Variants in MYLIP observed in about 807,000 individuals in gnomAD.
MYLIP encodes myosin regulatory light chain interacting protein.
MYLIP carries 26 observed loss-of-function variants against 45.8 expected under a neutral mutation model. That is an observed-to-expected ratio of 0.57 (90% CI 0.42 to 0.79). The LOEUF (loss-of-function observed/expected upper bound fraction) is 0.79, where lower values mean the gene tolerates loss of function less well. Among genes scored for constraint, MYLIP ranks in the 30% least tolerant of loss-of-function variants. MYLIP has a pLI of 0.00. For missense variants in MYLIP, 494 were observed against 555.6 expected (o/e 0.89, Z 1.11); for synonymous variants, 213 against 218.1 (o/e 0.98, Z 0.21).
chr6:16,143,696 T>C lies in MYLIP; in HGVS notation c.663-3T>C, dbSNP rs774588479. 1 of 1,613,908 alleles carries C rather than the reference T, an allele frequency of 6.2e-7. No homozygotes were observed. Among genetic ancestry groups the C allele is most frequent in the Admixed American group, 1.7e-5 (1 of 60,006 alleles). On this transcript the variant is annotated splice_region_variant and splice_polypyrimidine_tract_variant and intron_variant, in intron 4 of 6. Transcript: ENST00000356840. ...TGCTTTCTTTTCTCTTCCTGTCTCT[T>C]AGGATAGCTTATCCTGTGGTGCAGA... is the stretch of plus-strand genomic sequence containing the variant.
intron 6 of MYLIP, among the ~76,000 whole-genome samples, chr6:16,146,372 C>T (rs1171083122): frequency 2.0e-5 from 3 of 152,202 alleles, no homozygotes; most frequent in Non-Finnish European, 2.9e-5. Flanking sequence ...CACAGAAAGA[C>T]GTCTTCAGTA....
chr6:16,129,499 C>T lies in MYLIP; in HGVS notation c.87+90C>T. ...GCCTGGCACTCTGGCGCGCCCCCTA[C>T]TAGGGGCCGGGAGGCACTGCGGCGG... is the stretch of plus-strand genomic sequence containing the variant. On this transcript the variant is annotated intron_variant, in intron 1 of 6. Transcript: ENST00000356840. The surrounding 1 kb of genome is among the most constrained non-coding windows in gnomAD (Gnocchi z 5.1). The T allele has an allele frequency of 1.5e-6, 2 of 1,328,424 alleles. No individual in the cohort carries two copies. The highest frequency in any genetic ancestry group is 2.1e-6 in the Non-Finnish European group (2 of 963,798). The allele number at this position is 1,328,424 out of a possible 1,614,324, so 82.3% of individuals were successfully genotyped here. A position where few individuals can be genotyped will look rare whatever the true frequency, so the allele number is the denominator to read the frequency against.
chr6:16,142,961 G>A, intron 3 of MYLIP, 59 bp from the exon 4 acceptor site: 1 of 1,520,348 alleles, frequency 6.6e-7, no homozygotes, highest in Non-Finnish European at 9.0e-7. Flanking sequence ...GACTACATAG[G>A]TTTATCTCTA....
intron 2 of MYLIP, among the ~76,000 whole-genome samples, chr6:16,131,230 G>C (rs565444720): frequency 1.3e-5 from 2 of 152,266 alleles, no homozygotes; most frequent in East Asian, 3.9e-4. Flanking sequence ...ATTACAGTGT[G>C]CAGCCAAGAG....
At chr6:16,140,777 C>T (rs1759653127) in intron 2 of MYLIP, among the ~76,000 whole-genome samples, 1 of 152,172 alleles carries the variant, frequency 6.6e-6, no homozygotes, top group Admixed American at 6.5e-5. Flanking sequence ...CTCCTCAGCT[C>T]CACGTTAACA....
rs1460381074 is a variant in MYLIP, at chr6:16,129,574, TCTC to T, written c.87+171_87+173del. Among the ~76,000 whole-genome samples, 2 of 151,854 alleles carry T rather than the reference TCTC, an allele frequency of 1.3e-5. No individual in the cohort carries two copies. The highest frequency in any genetic ancestry group is 2.4e-5 in the African/African-American group (1 of 41,368). On this transcript the variant is annotated intron_variant, in intron 1 of 6. Transcript: ENST00000356840. This position sits in a 1 kb window ranked among gnomAD's most constrained non-coding sequence, Gnocchi z 5.1. ...CTCTCCACGGGCGTGGGGCGCGCGGTCTCCTCCTGGCGCGCGTGGGGTGCGCGG... is the reference window on the plus strand; with the variant it reads ...CTCTCCACGGGCGTGGGGCGCGCGGTCTCCTGGCGCGCGTGGGGTGCGCGG...
intron 2 of MYLIP, among the ~76,000 whole-genome samples, chr6:16,137,945 A>G (rs895810776): frequency 2.0e-5 from 3 of 152,190 alleles, no homozygotes; most frequent in African/African-American, 7.2e-5. Flanking sequence ...CGATGCCAGG[A>G]CATGAGTTTA....
Position 16,129,419 on chromosome 6 carries a change from AG to A in MYLIP, c.87+14del. Reference sequence around the variant, plus strand: ...GGACTGCCTCAACCAGGTGAGGGCGAGGGGCAAGAAGGGGCCCCGGCGGGTC... The same window carrying A: ...GGACTGCCTCAACCAGGTGAGGGCGAGGGCAAGAAGGGGCCCCGGCGGGTC... On this transcript the variant is annotated intron_variant, in intron 1 of 6. Transcript: ENST00000356840. The surrounding 1 kb of genome is among the most constrained non-coding windows in gnomAD (Gnocchi z 5.1). 1.9e-6 allele frequency: 3 copies of A among 1,568,428 alleles called. No homozygotes were observed. The highest frequency in any genetic ancestry group is 2.6e-6 in the Non-Finnish European group (3 of 1,157,476).
At chr6:16,139,668 A>G (rs977227863) in intron 2 of MYLIP, among the ~76,000 whole-genome samples, 6 of 152,216 alleles carry the variant, frequency 3.9e-5, no homozygotes, top group African/African-American at 1.4e-4. Flanking sequence ...CTCAGTCCTC[A>G]GATAGCTATT....
chr6:16,156,871 T>C, the MYLIP span, among the ~76,000 whole-genome samples: 1 of 152,196 alleles, frequency 6.6e-6, no homozygotes. Flanking sequence ...CCAGGTGTCT[T>C]CCTGCGTATG....
At chr6:16,163,266 G>A in the MYLIP span, 2 of 152,160 alleles carry the variant, frequency 1.3e-5, no homozygotes, top group Admixed American at 6.5e-5. Flanking sequence ...CTGGTCTCGT[G>A]CTGCTGGAAA....
intron 6 of MYLIP, among the ~76,000 whole-genome samples, chr6:16,146,100 T>G (rs2113571097): frequency 6.6e-6 from 1 of 152,322 alleles, no homozygotes; most frequent in South Asian, 2.1e-4. Context: ...GGCTTGTCTT[T>G]TTCTGCCCAC....
chr6:16,150,538 GGCCTCTCCTAT>G (rs1759863344), downstream of MYLIP, among the ~76,000 whole-genome samples: 1 of 151,876 alleles, frequency 6.6e-6, no homozygotes, highest in Admixed American at 6.6e-5. Flanking sequence ...AGGAGAGGAG[GGCCTCTCCTAT>G]GCACTACAGT....
In MYLIP at chr6:16,129,514, C is replaced by T. The variant is rs1304092363; in HGVS notation, c.87+105C>T. The stretch of plus-strand genomic sequence containing the variant: ...GCGCCCCCTACTAGGGGCCGGGAGG[C>T]ACTGCGGCGGCAGCCGGGGGGAGCG... On this transcript the variant is annotated intron_variant, in intron 1 of 6. Coordinates refer to ENST00000356840, the MANE Select transcript of MYLIP (RefSeq NM_013262.4). The surrounding 1 kb of genome is among the most constrained non-coding windows in gnomAD (Gnocchi z 5.1). The T allele has an allele frequency of 8.6e-7, 1 of 1,165,240 alleles. No homozygotes were observed. The highest frequency in any genetic ancestry group is 1.6e-5 in the African/African-American group (1 of 62,474). 72.2% of individuals were successfully genotyped at this position (1,165,240 alleles called of 1,614,324 possible). A position where few individuals can be genotyped will look rare whatever the true frequency, so the allele number is the denominator to read the frequency against.
chr6:16,144,340 T>C (rs1400220308), intron 5 of MYLIP, among the ~76,000 whole-genome samples: 2 of 152,206 alleles, frequency 1.3e-5, no homozygotes, highest in African/African-American at 4.8e-5. Context: ...ACAGATCATC[T>C]TTTCTTTCTG....
chr6:16,145,716 AAAG>A (rs1397260420), intron 6 of MYLIP, among the ~76,000 whole-genome samples: 3 of 152,138 alleles, frequency 2.0e-5, no homozygotes, highest in Non-Finnish European at 4.4e-5. Flanking sequence ...GATATTTGGG[AAAG>A]AATACTTCTC....
In MYLIP at chr6:16,143,189, T is replaced by G. The variant is rs776590435; in HGVS notation, c.634T>G (p.Cys212Gly). Reference sequence around the variant, plus strand: ...GGTTGGACCTGAAGGAATCTCAATTTGTAAAGATGACTTTAGCCCAATTAA... The same window carrying G: ...GGTTGGACCTGAAGGAATCTCAATTGGTAAAGATGACTTTAGCCCAATTAA... ...IGVGPEGISICKDDFSPINRI... is the reference protein window; with the variant it reads ...IGVGPEGISIGKDDFSPINRI... The change falls in exon 4 of 7, where the codon TGT (cysteine) becomes GGT (glycine). Residue 212 changes from cysteine (C) to glycine (G), a missense_variant. Coordinates refer to ENST00000356840, the MANE Select transcript of MYLIP (RefSeq NM_013262.4). 6.2e-7 allele frequency: 1 copy of G among 1,614,234 alleles called. No individual in the cohort carries two copies. The highest frequency in any genetic ancestry group is 8.5e-7 in the Non-Finnish European group (1 of 1,180,028).
At chr6:16,137,070 A>G (rs1224694050) in intron 2 of MYLIP, among the ~76,000 whole-genome samples, 3 of 152,064 alleles carry the variant, frequency 2.0e-5, no homozygotes, top group Admixed American at 6.5e-5. Context: ...GGTTTTTGCT[A>G]TGTCCTGAGA....
At chr6:16,152,257 G>A (rs989958734), downstream of MYLIP, among the ~76,000 whole-genome samples, 8 of 152,186 alleles carry the variant, frequency 5.3e-5, no homozygotes, top group Admixed American at 1.3e-4. Flanking sequence ...GAGTTTATAC[G>A]TTTGATTCAT....
Sources: allele counts gnomAD v4.1 joint callset (sites outside exome capture counted in the v4.1 genomes callset), GRCh38; gene constraint gnomAD v4.1.1; non-coding constraint Gnocchi (gnomAD v3.1); transcripts MANE v1.5; gene names NCBI Gene and HGNC (gene_info 2026-07-23, HGNC 2026-07-21).